Variants in BICD1 observed in about 807,000 individuals in gnomAD.
BICD1 encodes protein bicaudal D homolog 1.
Under a neutral mutation model 92.5 loss-of-function variants are expected in BICD1, and 35 were observed. That is an observed-to-expected ratio of 0.38 (90% CI 0.29 to 0.50). The LOEUF (loss-of-function observed/expected upper bound fraction) is 0.50, where lower values mean the gene tolerates loss of function less well. Among genes scored for constraint, BICD1 ranks in the 20% least tolerant of loss-of-function variants. The pLI, the probability that BICD1 is intolerant of heterozygous loss-of-function variation, is 0.93. For missense variants in BICD1, 950 were observed against 1,189.8 expected (o/e 0.80, Z 2.97); for synonymous variants, 429 against 465.1 (o/e 0.92, Z 1.00).
intron 8 of BICD1, among the ~76,000 whole-genome samples, chr12:32,362,038 GA>G (rs1383050374): frequency 6.6e-6 from 1 of 152,178 alleles, no homozygotes; most frequent in East Asian, 1.9e-4. Flanking sequence ...TGGGCTCCTG[GA>G]CTCCCTAAGG....
chr12:32,333,335 G>T, intron 5 of BICD1: 2 of 916,468 alleles, frequency 2.2e-6, no homozygotes, highest in Non-Finnish European at 2.6e-6. Context: ...TATGAGTAAA[G>T]TCTCATTTTA....
In BICD1 at chr12:32,215,793, CAA is replaced by C. The variant is rs11316550; in HGVS notation, c.214-444_214-443del. The stretch of plus-strand genomic sequence containing the variant: ...TGAAACCCCGTCTCTACTAAAAATA[CAA>C]AAAAAAAAATTAGCCGGGCGTGTTG... On this transcript the variant is annotated intron_variant, in intron 1 of 9. Coordinates refer to ENST00000652176, the MANE Select transcript of BICD1 (RefSeq NM_001714.4). 8.1e-5 allele frequency among the ~76,000 whole-genome samples: 12 copies of C among 148,654 alleles called. No homozygotes were observed. In the East Asian group the frequency reaches 1.6e-3, roughly 20 times the overall value.
chr12:32,363,870 C>T (rs1939425217), intron 8 of BICD1, among the ~76,000 whole-genome samples: 1 of 152,110 alleles, frequency 6.6e-6, no homozygotes, highest in Admixed American at 6.5e-5. Context: ...AGTTACTTAA[C>T]CTAAGTTCCC....
intron 2 of BICD1, among the ~76,000 whole-genome samples, chr12:32,241,845 A>G (rs1946244911): frequency 6.6e-6 from 1 of 151,994 alleles, no homozygotes; most frequent in Non-Finnish European, 1.5e-5. Flanking sequence ...TTTTTAAACT[A>G]GATTTCCAGG....
At chr12:32,296,310 T>G (rs1239579) in intron 3 of BICD1, among the ~76,000 whole-genome samples, 49,476 of 139,766 alleles carry the variant, frequency 0.35, 8,995 homozygotes, top group Non-Finnish European at 0.42. Flanking sequence ...CAGGCTGGAG[T>G]GCAGTGGCGC....
chr12:32,166,149 T>TA (rs1943763556), intron 1 of BICD1, among the ~76,000 whole-genome samples: 8 of 100,696 alleles, frequency 7.9e-5, no homozygotes, highest in Admixed American at 6.9e-4. Context: ...TTTATTTATT[T>TA]TTTGGAGCCA....
chr12:32,229,047 T>G (rs1421510554), intron 2 of BICD1, among the ~76,000 whole-genome samples: 1 of 151,928 alleles, frequency 6.6e-6, no homozygotes, highest in Non-Finnish European at 1.5e-5. Context: ...GCCAGGAGTT[T>G]GAGACGAGCC....
chr12:32,331,469 A>G (rs3789975), intron 5 of BICD1, among the ~76,000 whole-genome samples: 35,970 of 152,112 alleles, frequency 0.24, 4,711 homozygotes, highest in East Asian at 0.6. Flanking sequence ...TTTGGGGGAC[A>G]AGAAATGTTT....
At position 32,115,496 on chromosome 12, in the gene BICD1, GA is replaced by G. The variant is rs553853224; in HGVS notation, c.213+7953del. The stretch of plus-strand genomic sequence containing the variant: ...CCTTTCAAAAGGCAGGTATTTACGA[GA>G]CAAAGCTGCATTTTTAAAGCACTGG... On this transcript the variant is annotated intron_variant, in intron 1 of 9. Coordinates refer to ENST00000652176, the MANE Select transcript of BICD1 (RefSeq NM_001714.4). 4.8e-4 allele frequency among the ~76,000 whole-genome samples: 73 copies of G among 151,618 alleles called. 2 individuals are homozygous for G. The South Asian group carries it at 0.015, about 30-fold the overall frequency.
Position 32,340,091 on chromosome 12 carries a change from A to T in BICD1, c.2764+1112A>T, listed in dbSNP as rs909352919. 12 of 956,204 alleles carry T rather than the reference A, an allele frequency of 1.3e-5. No homozygotes were observed. In the South Asian group the frequency reaches 2.9e-4, roughly 23 times the overall value. 59.2% of individuals were successfully genotyped at this position (956,204 alleles called of 1,614,324 possible). A position where few individuals can be genotyped will look rare whatever the true frequency, so the allele number is the denominator to read the frequency against. ...TTGAGTTTGCCACCGTTGAAATAGA[A>T]TTTTTTTTTTCATTTTACCTTAATT... On this transcript the variant is annotated intron_variant, in intron 8 of 9. Coordinates refer to ENST00000652176, the MANE Select transcript of BICD1 (RefSeq NM_001714.4).
Position 32,338,877 on chromosome 12 carries a change from A to C in BICD1, c.2662A>C (p.Thr888Pro). 1 of 1,608,824 alleles carries C rather than the reference A, an allele frequency of 6.2e-7. No individual in the cohort carries two copies. Among genetic ancestry groups the C allele is most frequent in the Non-Finnish European group, 8.5e-7 (1 of 1,177,952 alleles). Residue 888 changes from threonine (T) to proline (P), a missense_variant, in exon 8 of 10, where the codon ACC becomes CCC. Around this residue, in one of 5 missense-constraint regions of BICD1, gnomAD observed 179 missense variants for 186.7 expected, o/e 0.96. Transcript: ENST00000652176. ...QNLLRVPPDPTSTESFLLKGP... is the reference protein window; with the variant it reads ...QNLLRVPPDPPSTESFLLKGP... ...TTTATTAAGAGTTCCCCCTGATCCC[A>C]CCTCCACAGAATCATTTCTTCTGAA...
chr12:32,323,739 A>G (rs1948709593), intron 4 of BICD1, among the ~76,000 whole-genome samples: 1 of 152,248 alleles, frequency 6.6e-6, no homozygotes, highest in Non-Finnish European at 1.5e-5. Flanking sequence ...ATGTGATCAT[A>G]CTATACAGGC....
chr12:32,156,223 C>A (rs1943432365), intron 1 of BICD1, among the ~76,000 whole-genome samples: 2 of 152,278 alleles, frequency 1.3e-5, no homozygotes, highest in South Asian at 4.1e-4. Flanking sequence ...GCTCCTCCAG[C>A]GTTTCATATG....
Position 32,216,389 on chromosome 12 carries a change from G to C in BICD1, c.356G>C (p.Ser119Thr). The C allele has an allele frequency of 6.2e-7, 1 of 1,614,174 alleles. No individual in the cohort carries two copies. Among genetic ancestry groups the C allele is most frequent in the Non-Finnish European group, 8.5e-7 (1 of 1,180,036 alleles). The part of the protein sequence containing the change: ...ILEMQNELKQ[S>T]RAVVTNVQAE... ...GAGATGCAGAACGAGCTGAAACAGA[G>C]CCGGGCTGTGGTCACTAATGTACAG... is the stretch of plus-strand genomic sequence containing the variant. Residue 119 changes from serine (S) to threonine (T), a missense_variant, in exon 2 of 10, where the codon AGC becomes ACC. Physicochemically the swap from Ser to Thr is moderately conservative, Grantham distance 58. This residue lies in a region of BICD1 where 202 missense variants were observed against 205.3 expected (regional missense o/e 0.98). Coordinates refer to ENST00000652176, the MANE Select transcript of BICD1 (RefSeq NM_001714.4).
At chr12:32,193,168 G>T (rs1207220506) in intron 1 of BICD1, among the ~76,000 whole-genome samples, 2 of 152,074 alleles carry the variant, frequency 1.3e-5, no homozygotes, top group Non-Finnish European at 2.9e-5. Flanking sequence ...GTTGATCAAT[G>T]CATTAAACTT....
chr12:32,283,657 C>A (rs708227), intron 2 of BICD1, among the ~76,000 whole-genome samples: 1 of 151,908 alleles, frequency 6.6e-6, no homozygotes. Context: ...GGTGGAAGAG[C>A]GAGTGGTTTG....
intron 1 of BICD1, among the ~76,000 whole-genome samples, chr12:32,110,990 T>TA (rs201282585): frequency 3.3e-4 from 49 of 150,716 alleles, no homozygotes; most frequent in Non-Finnish European, 4.1e-4. Context: ...AGTATAATAA[T>TA]AAAAAAAAAG....
intron 9 of BICD1, among the ~76,000 whole-genome samples, chr12:32,369,846 C>T (rs71457637): frequency 4.9e-3 from 742 of 152,058 alleles, no homozygotes; most frequent in Non-Finnish European, 7.5e-3. Context: ...GTCAAGACTG[C>T]AGCAAGCTGT....
rs1401475322 is a variant in BICD1, at chr12:32,313,181, C to A, written c.1005+7059C>A. Among the ~76,000 whole-genome samples the A allele has an allele frequency of 6.6e-6, 1 of 151,754 alleles. No homozygotes were observed. Among genetic ancestry groups the A allele is most frequent in the Non-Finnish European group, 1.5e-5 (1 of 67,972 alleles). ...GTAGTATGAGAAAACAGTAATGTTT[C>A]TGTAAAACTAAAATTAATATATTCT... is the stretch of plus-strand genomic sequence containing the variant. On this transcript the variant is annotated intron_variant, in intron 4 of 9. Transcript: ENST00000652176. This position sits in a 1 kb window ranked among gnomAD's most constrained non-coding sequence, Gnocchi z 4.2.
Sources: allele counts gnomAD v4.1 joint callset (sites outside exome capture counted in the v4.1 genomes callset), GRCh38; gene constraint gnomAD v4.1.1; regional missense constraint gnomAD v4.1.1; non-coding constraint Gnocchi (gnomAD v3.1); transcripts MANE v1.5; gene names NCBI Gene and HGNC (gene_info 2026-07-23, HGNC 2026-07-21).